The following PFKFB3 variants were observed in gnomAD, a reference collection of about 807,000 sequenced individuals.
The protein encoded by PFKFB3 is 6-phosphofructo-2-kinase/fructose-2,6-bisphosphatase 3.
PFKFB3 carries 33 observed loss-of-function variants against 68.0 expected under a neutral mutation model. The observed-to-expected ratio is 0.49, with a 90% CI of 0.37 to 0.65. The LOEUF (loss-of-function observed/expected upper bound fraction) is 0.65, where lower values mean the gene tolerates loss of function less well. PFKFB3 is among the 30% of genes least tolerant of loss of function. PFKFB3 has a pLI of 0.00. For missense variants in PFKFB3, 586 were observed against 712.2 expected (o/e 0.82, Z 2.02); for synonymous variants, 315 against 288.2 (o/e 1.09, Z -0.94).
chr10:6,232,228 T>C (rs1445471448), intron 14 of PFKFB3, among the ~76,000 whole-genome samples: 1 of 148,028 alleles, frequency 6.8e-6, no homozygotes, highest in East Asian at 2.1e-4. Context: ...CCTCGCTGAT[T>C]TTGGAGCATG....
chr10:6,288,449 C>T, the PFKFB3 span, among the ~76,000 whole-genome samples: 26 of 148,308 alleles, frequency 1.8e-4, no homozygotes, highest in African/African-American at 5.0e-4. Context: ...TGAGAACACG[C>T]GGTGTTTGGT....
chr10:6,224,068 GTAGCTTCTT>G, intron 12 of PFKFB3, 48 bp downstream of exon 12: 1 of 1,609,048 alleles, frequency 6.2e-7, no homozygotes, highest in Non-Finnish European at 8.5e-7. Context: ...GGTGGCCACA[GTAGCTTCTT>G]GTGGCCGTGG....
intron 1 of PFKFB3, among the ~76,000 whole-genome samples, chr10:6,156,127 A>ATGTG (rs1358879118): frequency 4.1e-4 from 19 of 46,718 alleles, no homozygotes; most frequent in African/African-American, 8.7e-4. Context: ...ATGTACATAT[A>ATGTG]TATGTGTGTG....
At chr10:6,282,690 A>C in the PFKFB3 span, among the ~76,000 whole-genome samples, 1 of 152,174 alleles carries the variant, frequency 6.6e-6, no homozygotes, top group African/African-American at 2.4e-5. Context: ...ATAAGGGGGA[A>C]AGTGAGCCTT....
At chr10:6,320,369 A>C in the PFKFB3 span, among the ~76,000 whole-genome samples, 1 of 152,092 alleles carries the variant, frequency 6.6e-6, no homozygotes, top group South Asian at 2.1e-4. Context: ...GAAATGTATG[A>C]GCTTATAAAG....
the PFKFB3 span, among the ~76,000 whole-genome samples, chr10:6,302,403 A>G: frequency 1.1e-5 from 1 of 91,018 alleles, no homozygotes. Context: ...TTTTTTTGAG[A>G]CGGAGTCTTG....
At chr10:6,226,459 A>G (rs943117) in intron 14 of PFKFB3, 94 bp downstream of exon 14, 741,611 of 1,266,008 alleles carry the variant, frequency 0.59, 225,117 homozygotes, top group East Asian at 0.94. Context: ...TTGCAAGAAT[A>G]CGTGCGTGGG....
chr10:6,321,226 G>A, the PFKFB3 span, among the ~76,000 whole-genome samples: 4 of 152,146 alleles, frequency 2.6e-5, no homozygotes, highest in South Asian at 6.2e-4. Context: ...TGCTGATTCC[G>A]AAACTTTTTG....
chr10:6,292,266 CT>C, the PFKFB3 span, among the ~76,000 whole-genome samples: 600 of 107,226 alleles, frequency 5.6e-3, 10 homozygotes, highest in East Asian at 0.028. Flanking sequence ...AACCAGTGTA[CT>C]TTTTTTTTTT....
At chr10:6,268,056 C>T in the PFKFB3 span, among the ~76,000 whole-genome samples, 6 of 151,692 alleles carry the variant, frequency 4.0e-5, no homozygotes, top group African/African-American at 9.7e-5. Context: ...CCCTGTGCGA[C>T]GGAGCAGTTC....
At chr10:6,274,537 T>C in the PFKFB3 span, among the ~76,000 whole-genome samples, 1 of 152,138 alleles carries the variant, frequency 6.6e-6, no homozygotes, top group Non-Finnish European at 1.5e-5. Flanking sequence ...AGATGAAGGG[T>C]AAATACTCTT....
At chr10:6,322,895 A>G in the PFKFB3 span, among the ~76,000 whole-genome samples, 2 of 152,078 alleles carry the variant, frequency 1.3e-5, no homozygotes, top group Non-Finnish European at 2.9e-5. Context: ...TATTTTATTT[A>G]CTTGTTTATT....
In PFKFB3 at chr10:6,154,581, G is replaced by A. The variant is rs1196202093; in HGVS notation, c.16+9568G>A. On this transcript the variant is annotated intron_variant, in intron 1 of 14. Coordinates refer to the PFKFB3 transcript ENST00000379789. This position sits in a 1 kb window ranked among gnomAD's most constrained non-coding sequence, Gnocchi z 4.6. ...TAACGTGACACCATAAAACGTCTCC[G>A]CCACGGGTGGCTACTATCCTGAGAG... Among the ~76,000 whole-genome samples the A allele has an allele frequency of 1.3e-5, 2 of 152,128 alleles. No homozygotes were observed. The highest frequency in any genetic ancestry group is 1.9e-4 in the East Asian group (1 of 5,190).
At chr10:6,258,466 A>G (rs1231685449), downstream of PFKFB3, among the ~76,000 whole-genome samples, 1 of 152,238 alleles carries the variant, frequency 6.6e-6, no homozygotes, top group African/African-American at 2.4e-5. Context: ...GACAGGCCAC[A>G]CTAAGTAGAC....
In PFKFB3 at chr10:6,183,836, T is replaced by C. The variant is rs571910283; in HGVS notation, c.17-29787T>C. Reference sequence around the variant, plus strand: ...CCAAGTAGTTGGGACTACAGACAACTGCCACCACGCCCGGCTAATTTTTTT... The same window carrying C: ...CCAAGTAGTTGGGACTACAGACAACCGCCACCACGCCCGGCTAATTTTTTT... On this transcript the variant is annotated intron_variant, in intron 1 of 14. Coordinates refer to the PFKFB3 transcript ENST00000379789. Among the ~76,000 whole-genome samples, 66 of 151,024 alleles carry C rather than the reference T, an allele frequency of 4.4e-4. 1 individual carries two copies. In the South Asian group the frequency reaches 5.8e-3, roughly 13 times the overall value.
the PFKFB3 span, among the ~76,000 whole-genome samples, chr10:6,317,837 C>T: frequency 6.6e-6 from 1 of 152,198 alleles, no homozygotes; most frequent in East Asian, 1.9e-4. Context: ...CTGGGACCTG[C>T]GGGAGGGGCA....
At chr10:6,145,336 C>T (rs927921803) in intron 1 of PFKFB3, among the ~76,000 whole-genome samples, 33 of 152,012 alleles carry the variant, frequency 2.2e-4, no homozygotes, top group Admixed American at 9.8e-4. Flanking sequence ...CCTCTGCAGC[C>T]CCGCATTGTG....
At chr10:6,263,561 G>C in the PFKFB3 span, among the ~76,000 whole-genome samples, 1 of 152,350 alleles carries the variant, frequency 6.6e-6, no homozygotes, top group East Asian at 1.9e-4. Flanking sequence ...CTTTCTAGCA[G>C]CTCCTATTGC....
chr10:6,240,893 G>T lies in PFKFB3; in HGVS notation c.1516-13285G>T, dbSNP rs183833286. 1.3e-3 allele frequency among the ~76,000 whole-genome samples: 194 copies of T among 148,224 alleles called. 1 individual carries two copies. The highest frequency in any genetic ancestry group is 4.8e-3 in the African/African-American group (189 of 39,494). ...GATGCTTTTGCAGAGTACTAGTCAG[G>T]TATGTTGTAGAATGTTCTTTTTTTT... On this transcript the variant is annotated intron_variant, in intron 14 of 14. Coordinates refer to the PFKFB3 transcript ENST00000640683.
Sources: gnomAD v4.1 joint callset for allele counts (sites outside exome capture counted in the v4.1 genomes callset) on GRCh38, gnomAD v4.1.1 for gene constraint, Gnocchi (gnomAD v3.1) non-coding constraint, MANE v1.5 for transcripts, NCBI Gene and HGNC (gene_info 2026-07-23, HGNC 2026-07-21) for gene names.